Variants in ZNF385D observed in about 807,000 individuals in gnomAD.
ZNF385D encodes zinc finger protein 659.
A neutral mutation model predicts 35.8 loss-of-function variants in ZNF385D; 15 were observed. The observed-to-expected ratio is 0.42, with a 90% confidence interval of 0.28 to 0.64. ZNF385D has a LOEUF of 0.64. Ranked by LOEUF, ZNF385D falls within the 30% of genes least tolerant of loss-of-function variation. The probability of loss-of-function intolerance (pLI) is 0.23; values close to 1 mark genes in which losing one functional copy is unlikely to be tolerated. For synonymous variants in ZNF385D, 212 were observed against 186.8 expected, an observed-to-expected ratio of 1.13 and a Z score of -1.10; for missense variants, 474 against 494.6, an observed-to-expected ratio of 0.96 and a Z score of 0.39.
intron 3 of ZNF385D, among the ~76,000 whole-genome samples, chr3:21,946,764 G>C (rs982962644): frequency 6.6e-6 from 1 of 152,180 alleles, no homozygotes; most frequent in Non-Finnish European, 1.5e-5. Context: ...CCCAAGAGGC[G>C]GAGGTTGCAG....
At chr3:22,133,138 T>C (rs1466121794) in intron 3 of ZNF385D, among the ~76,000 whole-genome samples, 1 of 152,184 alleles carries the variant, frequency 6.6e-6, no homozygotes, top group Non-Finnish European at 1.5e-5. Context: ...AAGAATAATC[T>C]TTAAAAAATA....
intron 3 of ZNF385D, among the ~76,000 whole-genome samples, chr3:21,868,255 T>C (rs1010446102): frequency 1.3e-5 from 2 of 152,052 alleles, no homozygotes; most frequent in Admixed American, 6.6e-5. Context: ...CATATACAAA[T>C]GGCTATGGCT....
intron 2 of ZNF385D, among the ~76,000 whole-genome samples, chr3:22,178,547 A>C (rs1394736324): frequency 6.6e-6 from 1 of 152,040 alleles, no homozygotes; most frequent in Non-Finnish European, 1.5e-5. Flanking sequence ...GTTCACTCTG[A>C]TGGTAGTTTC....
intron 3 of ZNF385D, among the ~76,000 whole-genome samples, chr3:21,946,797 A>C (rs1038607159): frequency 3.3e-5 from 5 of 152,234 alleles, no homozygotes; most frequent in Admixed American, 2.0e-4. Context: ...GCGCTACTGC[A>C]CTCCAGCCTG....
intron 4 of ZNF385D, among the ~76,000 whole-genome samples, chr3:21,486,727 T>C (rs1705057782): frequency 6.6e-6 from 1 of 152,104 alleles, no homozygotes; most frequent in Non-Finnish European, 1.5e-5. Flanking sequence ...GAGCTGGAAG[T>C]TGCTCCAAAA....
chr3:21,858,907 G>A (rs919618389), intron 3 of ZNF385D, among the ~76,000 whole-genome samples: 1 of 152,004 alleles, frequency 6.6e-6, no homozygotes, highest in African/African-American at 2.4e-5. Flanking sequence ...TCCGATAACA[G>A]GTCCAATCTG....
At chr3:22,347,476 T>C (rs1014528959) in intron 2 of ZNF385D, among the ~76,000 whole-genome samples, 2 of 152,124 alleles carry the variant, frequency 1.3e-5, no homozygotes, top group African/African-American at 4.8e-5. Flanking sequence ...GGAAGCTGAC[T>C]CAATTTTAGA....
intron 3 of ZNF385D, among the ~76,000 whole-genome samples, chr3:22,000,671 T>A (rs1300724856): frequency 6.6e-6 from 1 of 150,976 alleles, no homozygotes; most frequent in African/African-American, 2.4e-5. Context: ...AAGTCAAATA[T>A]GAAAGAACCT....
At chr3:21,816,972 G>A (rs547687955) in intron 3 of ZNF385D, among the ~76,000 whole-genome samples, 3 of 152,124 alleles carry the variant, frequency 2.0e-5, no homozygotes, top group Non-Finnish European at 2.9e-5. Context: ...CATGGTACTG[G>A]TACCAAAACA....
intron 3 of ZNF385D, among the ~76,000 whole-genome samples, chr3:22,036,941 C>T (rs1420852143): frequency 6.7e-6 from 1 of 148,844 alleles, no homozygotes; most frequent in Admixed American, 6.8e-5. Flanking sequence ...CAATTCCCAC[C>T]TATGAGTGAG....
At position 21,619,812 on chromosome 3, in the gene ZNF385D, C is replaced by G. The variant is rs116320251; in HGVS notation, c.165+45074G>C. 8.2e-3 allele frequency among the ~76,000 whole-genome samples: 1,243 copies of G among 152,252 alleles called. 19 individuals are homozygous for G. The highest frequency in any genetic ancestry group is 0.029 in the African/African-American group (1,188 of 41,544). On this transcript the variant is annotated intron_variant, in intron 2 of 7. Coordinates refer to ENST00000281523, the MANE Select transcript of ZNF385D (RefSeq NM_024697.3). Reference sequence around the variant, plus strand: ...ATCAGATAAAGAGATATCCAGAACTCTGGTAACTATAATCCCTAGTAATTT... The same window carrying G: ...ATCAGATAAAGAGATATCCAGAACTGTGGTAACTATAATCCCTAGTAATTT...
chr3:21,885,090 C>A (rs1168661301), intron 3 of ZNF385D, among the ~76,000 whole-genome samples: 1 of 151,902 alleles, frequency 6.6e-6, no homozygotes, highest in Non-Finnish European at 1.5e-5. Context: ...TTACCAACTT[C>A]TTCTCTAGAT....
At chr3:22,127,764 G>T (rs973471087) in intron 3 of ZNF385D, among the ~76,000 whole-genome samples, 5 of 151,952 alleles carry the variant, frequency 3.3e-5, no homozygotes, top group African/African-American at 1.2e-4. Flanking sequence ...AACAAGCAAA[G>T]GAAAAACTAA....
intron 3 of ZNF385D, among the ~76,000 whole-genome samples, chr3:21,871,337 C>T (rs1045518287): frequency 6.6e-6 from 1 of 151,306 alleles, no homozygotes; most frequent in Admixed American, 6.6e-5. Context: ...GCAGACACTC[C>T]TATCATTTAG....
At chr3:22,005,426 T>C (rs1443254514) in intron 3 of ZNF385D, among the ~76,000 whole-genome samples, 1 of 152,040 alleles carries the variant, frequency 6.6e-6, no homozygotes, top group African/African-American at 2.4e-5. Flanking sequence ...TATTGTTCAG[T>C]AGTGTCGCAG....
chr3:21,813,683 C>T (rs904593697), intron 3 of ZNF385D, among the ~76,000 whole-genome samples: 6 of 149,260 alleles, frequency 4.0e-5, no homozygotes, highest in Admixed American at 4.0e-4. Context: ...ACAAAGCCTC[C>T]AAGAAATATG....
In ZNF385D at chr3:22,199,148, T is replaced by C. The variant is rs576358432; in HGVS notation, c.107-30113A>G. On this transcript the variant is annotated intron_variant, in intron 2 of 5. Transcript: ENST00000494108. ...AAAACCAAACACACAAAAAACATAA[T>C]CTCATCTCCACATTGTTTTTGCCAT... is the stretch of plus-strand genomic sequence containing the variant. 1.0e-3 allele frequency among the ~76,000 whole-genome samples: 158 copies of C among 152,022 alleles called. 1 individual carries two copies. Among genetic ancestry groups the C allele is most frequent in the Non-Finnish European group, 1.5e-3 (105 of 67,980 alleles).
chr3:21,642,102 C>T (rs1352548698), intron 2 of ZNF385D, among the ~76,000 whole-genome samples: 1 of 152,092 alleles, frequency 6.6e-6, no homozygotes, highest in Non-Finnish European at 1.5e-5. Flanking sequence ...GATTTTCACA[C>T]CCTATGCAAA....
At chr3:21,768,743 T>G (rs577425102) in intron 3 of ZNF385D, among the ~76,000 whole-genome samples, 1 of 152,120 alleles carries the variant, frequency 6.6e-6, no homozygotes, top group South Asian at 2.1e-4. Flanking sequence ...ACTGCTGTTG[T>G]ACTTCCCTCC....
Sources: gnomAD v4.1 joint callset for allele counts (sites outside exome capture counted in the v4.1 genomes callset) on GRCh38, gnomAD v4.1.1 for gene constraint, MANE v1.5 for transcripts, NCBI Gene and HGNC (gene_info 2026-07-23, HGNC 2026-07-21) for gene names.